The following SLC14A2 variants were observed in gnomAD, a reference collection of about 807,000 sequenced individuals.
The protein encoded by SLC14A2 is solute carrier family 14 member 2, also known as urea transporter 2.
In SLC14A2, 91 loss-of-function variants were observed where a neutral mutation model predicts 104.6. That is an observed-to-expected ratio of 0.87 (90% CI 0.73 to 1.04). The LOEUF is 1.04. Among genes scored for constraint, SLC14A2 ranks in the 50% least tolerant of loss-of-function variants. The pLI, the probability that SLC14A2 is intolerant of heterozygous loss-of-function variation, is 0.00. For synonymous variants in SLC14A2, 476 were observed against 466.4 expected, an observed-to-expected ratio of 1.02 and a Z score of -0.27; for missense variants, 1,189 against 1,156.0, an observed-to-expected ratio of 1.03 and a Z score of -0.41.
intron 1 of SLC14A2, among the ~76,000 whole-genome samples, chr18:45,295,302 A>AT (rs10647065): frequency 0.2 from 28,807 of 146,856 alleles, 3,215 homozygotes; most frequent in African/African-American, 0.32. Flanking sequence ...TTTTTAAAGC[A>AT]TTTTTTTTTT....
chr18:45,332,330 A>C (rs1421736876), intron 1 of SLC14A2, among the ~76,000 whole-genome samples: 1 of 152,212 alleles, frequency 6.6e-6, no homozygotes, highest in Non-Finnish European at 1.5e-5. Context: ...TCCCTATACA[A>C]CATAACTATT....
chr18:45,420,922 A>G (rs1598785479), intron 1 of SLC14A2, among the ~76,000 whole-genome samples: 1 of 151,896 alleles, frequency 6.6e-6, no homozygotes, highest in Non-Finnish European at 1.5e-5. Context: ...TGTATTTTTA[A>G]TAGAGATGGG....
chr18:45,521,660 C>A (rs1248625629), intron 2 of SLC14A2, among the ~76,000 whole-genome samples: 1 of 151,892 alleles, frequency 6.6e-6, no homozygotes, highest in Non-Finnish European at 1.5e-5. Flanking sequence ...TTATGTCTGG[C>A]TCAAGTGACC....
At chr18:45,554,852 G>T (rs1368585319) in intron 2 of SLC14A2, among the ~76,000 whole-genome samples, 1 of 152,156 alleles carries the variant, frequency 6.6e-6, no homozygotes, top group Non-Finnish European at 1.5e-5. Flanking sequence ...CTTCAAACCT[G>T]GGCATCCATG....
intron 10 of SLC14A2, among the ~76,000 whole-genome samples, chr18:45,663,523 A>G (rs2045964370): frequency 6.6e-6 from 1 of 152,204 alleles, no homozygotes; most frequent in African/African-American, 2.4e-5. Flanking sequence ...TTCCTTGCAC[A>G]CTAAGAAATA....
chr18:45,620,427 T>C (rs975165350), intron 1 of SLC14A2, among the ~76,000 whole-genome samples: 7 of 152,348 alleles, frequency 4.6e-5, no homozygotes, highest in Middle Eastern at 3.4e-3. Context: ...ATTTTGCTTT[T>C]CAAGGACATG....
intron 1 of SLC14A2, among the ~76,000 whole-genome samples, chr18:45,254,458 A>C (rs1413542968): frequency 6.6e-6 from 1 of 152,190 alleles, no homozygotes; most frequent in African/African-American, 2.4e-5. Flanking sequence ...GAGATGCTGA[A>C]AATTTGGAAA....
rs1438227391 is a variant in SLC14A2, at chr18:45,235,931, GTATATATACATATATGTGTGTATA to G, written c.-125+22744_-125+22767del. ...TATATACATATATGTGTGTATATAT[GTATATATACATATATGTGTGTATA>G]TATGTATATATACATATATGTGTGT... On this transcript the variant is annotated intron_variant, in intron 1 of 20. Coordinates refer to the SLC14A2 transcript ENST00000586448. Among the ~76,000 whole-genome samples the G allele has an allele frequency of 1.7e-4, 18 of 104,420 alleles. 3 individuals are homozygous for G. The highest frequency in any genetic ancestry group is 7.0e-4 in the East Asian group (3 of 4,296). 68.5% of individuals were successfully genotyped at this position (104,420 alleles called of 152,430 possible). A position where few individuals can be genotyped will look rare whatever the true frequency, so the allele number is the denominator to read the frequency against.
intron 4 of SLC14A2, among the ~76,000 whole-genome samples, chr18:45,628,153 A>T (rs1390434608): frequency 1.3e-5 from 2 of 152,166 alleles, no homozygotes; most frequent in Non-Finnish European, 2.9e-5. Flanking sequence ...GGTTGTTAAG[A>T]AATAGTTTCA....
intron 1 of SLC14A2, among the ~76,000 whole-genome samples, chr18:45,269,699 G>T (rs1046355252): frequency 5.9e-5 from 9 of 152,122 alleles, no homozygotes; most frequent in Non-Finnish European, 8.8e-5. Context: ...CACATATTTA[G>T]ACTTCATGTA....
chr18:45,327,492 G>A (rs11659257), intron 1 of SLC14A2, among the ~76,000 whole-genome samples: 21,115 of 151,890 alleles, frequency 0.14, 1,543 homozygotes, highest in South Asian at 0.16. Flanking sequence ...AACAGAAACC[G>A]TACTCAAATA....
At chr18:45,326,713 G>C (rs1018181434) in intron 1 of SLC14A2, among the ~76,000 whole-genome samples, 1 of 152,234 alleles carries the variant, frequency 6.6e-6, no homozygotes, top group Non-Finnish European at 1.5e-5. Flanking sequence ...AAGGCACAGA[G>C]GCTGGCCTTT....
chr18:45,334,801 T>C (rs2085323115), intron 1 of SLC14A2, among the ~76,000 whole-genome samples: 2 of 152,160 alleles, frequency 1.3e-5, no homozygotes, highest in Non-Finnish European at 2.9e-5. Context: ...GTGACTGTGA[T>C]TGGCATTCAT....
At position 45,414,783 on chromosome 18, in the gene SLC14A2, T is replaced by A. The variant is rs1409625480; in HGVS notation, c.-124-68450T>A. ...ATATATATATATATATATATATATA[T>A]ATATATATATATAGAAAAGTACAGT... On this transcript the variant is annotated intron_variant, in intron 1 of 20. Transcript: ENST00000586448. Among the ~76,000 whole-genome samples the A allele has an allele frequency of 6.7e-4, 70 of 104,244 alleles. 2 individuals are homozygous for A. The highest frequency in any genetic ancestry group is 2.3e-3 in the African/African-American group (69 of 29,466). The allele number at this position is 104,244 out of a possible 152,430, so 68.4% of individuals were successfully genotyped here. A position where few individuals can be genotyped will look rare whatever the true frequency, so the allele number is the denominator to read the frequency against.
intron 1 of SLC14A2, among the ~76,000 whole-genome samples, chr18:45,481,488 G>A (rs1006548321): frequency 3.3e-5 from 5 of 151,936 alleles, no homozygotes; most frequent in South Asian, 2.1e-4. Context: ...TAAACCAACC[G>A]CAGAGTTCAG....
intron 18 of SLC14A2, among the ~76,000 whole-genome samples, chr18:45,674,150 A>G (rs1226644431): frequency 6.6e-6 from 1 of 151,900 alleles, no homozygotes; most frequent in Non-Finnish European, 1.5e-5. Context: ...CCTTCAAATG[A>G]CTCCTCTTTG....
chr18:45,378,076 C>A (rs1451990393), intron 1 of SLC14A2, among the ~76,000 whole-genome samples: 1 of 152,186 alleles, frequency 6.6e-6, no homozygotes, highest in African/African-American at 2.4e-5. Flanking sequence ...CCAGTGTAAT[C>A]TCTATCTCCT....
rs146189935 is a variant in SLC14A2, at chr18:45,392,927, C to T, written c.-124-90306C>T. Reference sequence around the variant, plus strand: ...GACTGGACTCCCTGTCCACTCTCAACGTCTCCCCTTATACCTTATGTGATC... The same window carrying T: ...GACTGGACTCCCTGTCCACTCTCAATGTCTCCCCTTATACCTTATGTGATC... On this transcript the variant is annotated intron_variant, in intron 1 of 20. Coordinates refer to the SLC14A2 transcript ENST00000586448. 1.1e-3 allele frequency among the ~76,000 whole-genome samples: 160 copies of T among 152,316 alleles called. 1 individual carries two copies. Among genetic ancestry groups the T allele is most frequent in the East Asian group, 6.8e-3 (35 of 5,184 alleles).
At chr18:45,438,446 A>G (rs1336304375) in intron 1 of SLC14A2, 1 of 152,210 alleles carries the variant, frequency 6.6e-6, no homozygotes, top group African/African-American at 2.4e-5. Context: ...GGTTCAGGGG[A>G]AAGTTAAAGA....
Sources: gnomAD v4.1 joint callset for allele counts (sites outside exome capture counted in the v4.1 genomes callset) on GRCh38, gnomAD v4.1.1 for gene constraint, MANE v1.5 for transcripts, NCBI Gene and HGNC (gene_info 2026-07-23, HGNC 2026-07-21) for gene names.